Variants in SNTG1 observed in about 807,000 individuals in gnomAD.
SNTG1 encodes syntrophin gamma 1.
In SNTG1, 39 loss-of-function variants were observed where a neutral mutation model predicts 74.7. The observed-to-expected ratio is 0.52, with a 90% CI of 0.40 to 0.68. The LOEUF (loss-of-function observed/expected upper bound fraction) is 0.68, where lower values mean the gene tolerates loss of function less well. SNTG1 is among the 30% of genes least tolerant of loss of function. SNTG1 has a pLI of 0.00. For synonymous variants in SNTG1, 254 were observed against 217.1 expected (o/e 1.17, Z -1.49); for missense variants, 685 against 609.5 (o/e 1.12, Z -1.30).
At chr8:49,954,817 G>T (rs1439698125) in intron 1 of SNTG1, among the ~76,000 whole-genome samples, 1 of 151,860 alleles carries the variant, frequency 6.6e-6, no homozygotes, top group Non-Finnish European at 1.5e-5. Context: ...ATGTCTTATT[G>T]TATTACTCCA....
chr8:50,514,007 C>T (rs924117013), intron 9 of SNTG1, among the ~76,000 whole-genome samples: 5 of 152,226 alleles, frequency 3.3e-5, no homozygotes, highest in African/African-American at 2.4e-5. Context: ...CTGCATCGCT[C>T]ATGCTGGGAG....
chr8:50,331,361 T>G (rs1166487558), intron 2 of SNTG1, among the ~76,000 whole-genome samples: 1 of 152,170 alleles, frequency 6.6e-6, no homozygotes, highest in African/African-American at 2.4e-5. Context: ...TGATACAGTT[T>G]GCATGAACTT....
At chr8:50,427,019 A>G (rs1369663827) in intron 4 of SNTG1, among the ~76,000 whole-genome samples, 1 of 152,168 alleles carries the variant, frequency 6.6e-6, no homozygotes, top group Non-Finnish European at 1.5e-5. Flanking sequence ...ATGCCATCTT[A>G]TATGAGGGAC....
chr8:50,324,406 A>G (rs1026415836), intron 2 of SNTG1, among the ~76,000 whole-genome samples: 6 of 152,102 alleles, frequency 3.9e-5, no homozygotes, highest in African/African-American at 1.4e-4. Flanking sequence ...TACTCTTTCC[A>G]TAATATAAAG....
intron 2 of SNTG1, among the ~76,000 whole-genome samples, chr8:50,364,987 C>A (rs75262318): frequency 0.026 from 3,993 of 152,140 alleles, 68 homozygotes; most frequent in Non-Finnish European, 0.038. Context: ...GCTACTATTA[C>A]AAATGCTTCC....
intron 1 of SNTG1, among the ~76,000 whole-genome samples, chr8:49,981,770 A>G (rs955937470): frequency 4.6e-5 from 7 of 152,202 alleles, no homozygotes; most frequent in Admixed American, 1.3e-4. Context: ...AAAGGCATAT[A>G]AAATATTTTG....
intron 1 of SNTG1, among the ~76,000 whole-genome samples, chr8:49,933,814 G>A (rs1807805704): frequency 6.6e-6 from 1 of 152,154 alleles, no homozygotes; most frequent in Admixed American, 6.5e-5. Flanking sequence ...CCTGTTTGAT[G>A]CTTATTAATT....
chr8:50,625,470 C>A (rs1411234397), intron 13 of SNTG1, among the ~76,000 whole-genome samples: 1 of 152,068 alleles, frequency 6.6e-6, no homozygotes, highest in Non-Finnish European at 1.5e-5. Context: ...ATGCATATAG[C>A]AAAACACCCT....
chr8:50,526,684 C>G (rs1489733913), intron 9 of SNTG1, among the ~76,000 whole-genome samples: 1 of 151,380 alleles, frequency 6.6e-6, no homozygotes, highest in Non-Finnish European at 1.5e-5. Context: ...GGAGTCTCCC[C>G]CTGTTGCCAG....
At chr8:50,365,566 A>AT (rs1026771686) in intron 2 of SNTG1, among the ~76,000 whole-genome samples, 77 of 152,136 alleles carry the variant, frequency 5.1e-4, no homozygotes, top group African/African-American at 1.5e-3. Flanking sequence ...AAAATCAAAG[A>AT]TTTTTTTTAA....
intron 13 of SNTG1, among the ~76,000 whole-genome samples, chr8:50,652,612 C>T (rs2095154223): frequency 6.6e-6 from 1 of 152,004 alleles, no homozygotes; most frequent in South Asian, 2.1e-4. Context: ...GCCTGGCCAA[C>T]ATGGTGAAAA....
chr8:50,685,305 T>G (rs1330506929), intron 15 of SNTG1, among the ~76,000 whole-genome samples: 1 of 152,174 alleles, frequency 6.6e-6, no homozygotes, highest in Non-Finnish European at 1.5e-5. Flanking sequence ...TAGAAAGAAC[T>G]ATGCCATTTA....
chr8:50,594,015 A>G (rs891592473), intron 13 of SNTG1, among the ~76,000 whole-genome samples: 1 of 152,006 alleles, frequency 6.6e-6, no homozygotes, highest in African/African-American at 2.4e-5. Flanking sequence ...ACAACACCCA[A>G]CCTGATTTGG....
chr8:50,674,749 G>A (rs926281950), intron 15 of SNTG1, among the ~76,000 whole-genome samples: 1 of 152,006 alleles, frequency 6.6e-6, no homozygotes, highest in African/African-American at 2.4e-5. Flanking sequence ...TCTTTTAATT[G>A]TGATGTTAGG....
intron 2 of SNTG1, among the ~76,000 whole-genome samples, chr8:50,331,370 T>G (rs2130878892): frequency 6.6e-6 from 1 of 152,278 alleles, no homozygotes; most frequent in Middle Eastern, 3.4e-3. Context: ...TTGCATGAAC[T>G]TGAGACCAAA....
At chr8:50,130,044 T>C (rs920783976) in intron 1 of SNTG1, among the ~76,000 whole-genome samples, 4 of 152,130 alleles carry the variant, frequency 2.6e-5, no homozygotes, top group African/African-American at 9.7e-5. Context: ...AAAATGTTCA[T>C]GTGAATGTGA....
chr8:50,456,280 T>C lies in SNTG1; in HGVS notation c.363+5551T>C, dbSNP rs137884956. Among the ~76,000 whole-genome samples the C allele has an allele frequency of 2.0e-3, 300 of 152,294 alleles. 5 individuals carry two copies. Among genetic ancestry groups the C allele is most frequent in the African/African-American group, 6.7e-3 (280 of 41,564 alleles). On this transcript the variant is annotated intron_variant, in intron 8 of 18. Coordinates refer to ENST00000642720, the MANE Select transcript of SNTG1 (RefSeq NM_018967.5). ...TGTCCTCTTATTTTTTGAGTGAAGT[T>C]GAACAACTTAGAGAACTGAAAGACC...
chr8:50,098,510 G>C (rs1012594407), intron 1 of SNTG1, among the ~76,000 whole-genome samples: 3 of 152,132 alleles, frequency 2.0e-5, no homozygotes, highest in African/African-American at 7.2e-5. Context: ...AGGAGGATGT[G>C]CATAGGTTAA....
chr8:50,376,722 T>C (rs1270344417), intron 2 of SNTG1, among the ~76,000 whole-genome samples: 1 of 113,724 alleles, frequency 8.8e-6, no homozygotes, highest in East Asian at 2.5e-4. Context: ...TATTTAATAT[T>C]AATAAATTAT....
Sources: allele counts gnomAD v4.1 joint callset (sites outside exome capture counted in the v4.1 genomes callset), GRCh38; gene constraint gnomAD v4.1.1; transcripts MANE v1.5; gene names NCBI Gene and HGNC (gene_info 2026-07-23, HGNC 2026-07-21).